The following MCTP1 variants were observed in gnomAD, a reference collection of about 807,000 sequenced individuals.
MCTP1 encodes the protein multiple C2 and transmembrane domain containing 1, also known as multiple C2 and transmembrane domain-containing protein 1.
MCTP1 carries 69 observed loss-of-function variants against 120.6 expected under a neutral mutation model. The observed-to-expected ratio is 0.57, with a 90% CI of 0.47 to 0.70. The LOEUF is 0.70. Ranked by LOEUF, MCTP1 falls within the 30% of genes least tolerant of loss-of-function variation. MCTP1 has a pLI of 0.00. For missense variants in MCTP1, 1,203 were observed against 1,248.8 expected (o/e 0.96, Z 0.55); for synonymous variants, 529 against 493.1 (o/e 1.07, Z -0.96).
chr5:95,276,787 C>T (rs1344549415), intron 1 of MCTP1, among the ~76,000 whole-genome samples: 1 of 151,528 alleles, frequency 6.6e-6, no homozygotes, highest in Non-Finnish European at 1.5e-5. Context: ...CCCGTCTCCA[C>T]TAATAACACA....
intron 1 of MCTP1, among the ~76,000 whole-genome samples, chr5:95,167,448 G>A (rs1229341609): frequency 6.6e-6 from 1 of 152,118 alleles, no homozygotes; most frequent in Admixed American, 6.5e-5. Context: ...TGGGTCAAAT[G>A]GTATTTCTAG....
chr5:94,761,288 A>G (rs1284482900), intron 19 of MCTP1, among the ~76,000 whole-genome samples: 3 of 152,186 alleles, frequency 2.0e-5, no homozygotes, highest in African/African-American at 7.2e-5. Context: ...GGAATTTCCT[A>G]CAGGATTCTT....
chr5:94,993,695 C>T (rs1408091033), intron 2 of MCTP1, among the ~76,000 whole-genome samples: 1 of 152,164 alleles, frequency 6.6e-6, no homozygotes, highest in Non-Finnish European at 1.5e-5. Flanking sequence ...TTGCATCCCT[C>T]CACAGGGGGA....
intron 1 of MCTP1, among the ~76,000 whole-genome samples, chr5:95,146,438 GTTA>G (rs1760402403): frequency 6.6e-6 from 1 of 151,928 alleles, no homozygotes. Context: ...ATGTTGGTTT[GTTA>G]TTTTCTCCTC....
At chr5:94,760,941 T>A (rs1480205226) in intron 19 of MCTP1, among the ~76,000 whole-genome samples, 1 of 152,116 alleles carries the variant, frequency 6.6e-6, no homozygotes. Context: ...CGTCTCAGCC[T>A]CCCAAAGTGC....
intron 1 of MCTP1, among the ~76,000 whole-genome samples, chr5:95,278,704 T>G (rs532030908): frequency 1.1e-3 from 161 of 152,296 alleles, no homozygotes; most frequent in South Asian, 4.6e-3. Flanking sequence ...GGCTCATGCC[T>G]GTAATCCCAA....
intron 17 of MCTP1, among the ~76,000 whole-genome samples, chr5:94,857,164 C>G (rs574164522): frequency 6.6e-6 from 1 of 151,676 alleles, no homozygotes; most frequent in Non-Finnish European, 1.5e-5. Context: ...GTTTCTCTTA[C>G]AATAGTATAG....
chr5:95,274,176 C>T (rs1759627090), intron 1 of MCTP1, among the ~76,000 whole-genome samples: 1 of 152,216 alleles, frequency 6.6e-6, no homozygotes, highest in Non-Finnish European at 1.5e-5. Context: ...AGCTTTCAGT[C>T]CCGCTACTGA....
In MCTP1 at chr5:95,114,960, G is replaced by A. The variant is rs1323608065; in HGVS notation, c.721-97476C>T. On this transcript the variant is annotated intron_variant, in intron 1 of 22. Transcript: ENST00000515393. ...AGAGAAACTGTTTGGAGAAAGTAAGGAAGGAGAACAAGAGTCTTTGCTTGG... is the reference window on the plus strand; with the variant it reads ...AGAGAAACTGTTTGGAGAAAGTAAGAAAGGAGAACAAGAGTCTTTGCTTGG... Among the ~76,000 whole-genome samples, 3 of 152,306 alleles carry A rather than the reference G, an allele frequency of 2.0e-5. No individual in the cohort carries two copies. The East Asian group carries it at 5.8e-4, about 29-fold the overall frequency.
intron 9 of MCTP1, among the ~76,000 whole-genome samples, chr5:94,912,466 A>AAAAAG (rs1211529200): frequency 2.2e-5 from 2 of 92,038 alleles, no homozygotes; most frequent in African/African-American, 3.7e-5. Flanking sequence ...AAAAAAAAAA[A>AAAAAG]GCCGCACTCT....
intron 9 of MCTP1, among the ~76,000 whole-genome samples, chr5:94,911,831 A>G (rs1191417669): frequency 6.6e-6 from 1 of 152,094 alleles, no homozygotes; most frequent in Non-Finnish European, 1.5e-5. Flanking sequence ...TATACGATAT[A>G]CTTCTTACTA....
Position 95,061,161 on chromosome 5 carries a change from A to G in MCTP1, c.721-43677T>C, listed in dbSNP as rs531265946. ...TGACATGAGTATAACCTATGACTCT[A>G]TGACATCTTTCTTTTTCTCTTTTAT... On this transcript the variant is annotated intron_variant, in intron 1 of 22. Transcript: ENST00000515393. Among the ~76,000 whole-genome samples the G allele has an allele frequency of 7.9e-5, 12 of 151,874 alleles. 1 individual carries two copies. The highest frequency in any genetic ancestry group is 1.8e-4 in the Non-Finnish European group (12 of 67,964).
chr5:95,001,783 C>G (rs1490931856), intron 2 of MCTP1, among the ~76,000 whole-genome samples: 1 of 152,136 alleles, frequency 6.6e-6, no homozygotes, highest in Non-Finnish European at 1.5e-5. Flanking sequence ...AAGAAAAAAT[C>G]ATTTTTGGGG....
chr5:94,730,637 A>T (rs1039585443), intron 19 of MCTP1, among the ~76,000 whole-genome samples: 1 of 152,210 alleles, frequency 6.6e-6, no homozygotes, highest in Admixed American at 6.5e-5. Context: ...GGAAACCAGC[A>T]AGAAACAGTA....
intron 1 of MCTP1, among the ~76,000 whole-genome samples, chr5:95,187,332 A>C (rs998459573): frequency 1.3e-5 from 2 of 152,232 alleles, no homozygotes; most frequent in African/African-American, 4.8e-5. Context: ...CATTATGTTA[A>C]GTGAAATAAG....
chr5:95,062,408 T>A (rs985497443), intron 1 of MCTP1, among the ~76,000 whole-genome samples: 1 of 152,250 alleles, frequency 6.6e-6, no homozygotes, highest in Non-Finnish European at 1.5e-5. Context: ...TCTTGGTGTC[T>A]GTATCTCTAT....
intron 1 of MCTP1, among the ~76,000 whole-genome samples, chr5:95,066,328 T>C (rs893998615): frequency 6.6e-6 from 1 of 152,192 alleles, no homozygotes; most frequent in Admixed American, 6.5e-5. Context: ...GAATGGCTAT[T>C]ACCAAAAAGA....
At chr5:95,233,277 CA>C (rs1271503072) in intron 1 of MCTP1, among the ~76,000 whole-genome samples, 2 of 151,074 alleles carry the variant, frequency 1.3e-5, no homozygotes, top group Admixed American at 1.3e-4. Flanking sequence ...AAATTAAGAA[CA>C]AAAAGATCTC....
At chr5:94,905,468 G>A (rs571841577) in intron 10 of MCTP1, among the ~76,000 whole-genome samples, 4 of 152,312 alleles carry the variant, frequency 2.6e-5, no homozygotes, top group African/African-American at 9.6e-5. Flanking sequence ...AAGAACAGGA[G>A]GCTGTTGCTA....
Sources: allele counts gnomAD v4.1 joint callset (sites outside exome capture counted in the v4.1 genomes callset), GRCh38; gene constraint gnomAD v4.1.1; transcripts MANE v1.5; gene names NCBI Gene and HGNC (gene_info 2026-07-23, HGNC 2026-07-21).